Variants in NOP9 observed in about 807,000 individuals in gnomAD.
NOP9 encodes NOP9 nucleolar protein.
Under a neutral mutation model 63.0 loss-of-function variants are expected in NOP9, and 50 were observed. The observed-to-expected ratio is 0.79, with a 90% CI of 0.63 to 1.00. The LOEUF (loss-of-function observed/expected upper bound fraction) is 1.00. NOP9 is among the 50% of genes least tolerant of loss of function. The pLI is 0.00. For synonymous variants in NOP9, 343 were observed against 332.8 expected, an observed-to-expected ratio of 1.03 and a Z score of -0.33; for missense variants, 758 against 803.0, an observed-to-expected ratio of 0.94 and a Z score of 0.68.
the NOP9 span, chr14:24,290,483 AG>A: frequency 7.8e-5 from 17 of 217,712 alleles, no homozygotes; most frequent in South Asian, 8.4e-4. Flanking sequence ...TCTGGAGGAA[AG>A]GGGTCTTGTC....
intron 3 of NOP9, 78 bp from the exon 4 acceptor site, chr14:24,301,887 C>A: frequency 6.6e-7 from 1 of 1,518,816 alleles, no homozygotes; most frequent in African/African-American, 1.4e-5. Flanking sequence ...TGCCCTGTAT[C>A]TTGTTGCCTA....
At chr14:24,271,242 A>C in the NOP9 span, 34 of 1,284,026 alleles carry the variant, frequency 2.6e-5, no homozygotes, top group African/African-American at 3.6e-4. Context: ...GGAAGCAGCA[A>C]GCGTGCCTGG....
Position 24,300,424 on chromosome 14 carries a change from T to C in NOP9, c.264T>C (p.Asn88=). 6.2e-7 allele frequency: 1 copy of C among 1,613,004 alleles called. No homozygotes were observed. The highest frequency in any genetic ancestry group is 8.5e-7 in the Non-Finnish European group (1 of 1,179,486). ...CCTTTTCAGATCTGATGGTGCACAA[T>C]ATAATGAAGGAAGTAGAGACTCAGG... ...TGEERDLMVH[N]IMKEVETQAL... is the part of the protein sequence containing the mutation. Residue 88 remains asparagine, a synonymous_variant, in exon 2 of 10, where the codon AAT becomes AAC. Transcript: ENST00000267425.
upstream of NOP9, chr14:24,298,779 G>A (rs919605049): frequency 6.9e-6 from 6 of 863,368 alleles, no homozygotes; most frequent in African/African-American, 1.7e-5. Flanking sequence ...CTCACTTGGC[G>A]GCAAAATTCT....
chr14:24,299,350 G>A, upstream of NOP9: 2 of 504,340 alleles, frequency 4.0e-6, no homozygotes, highest in Admixed American at 3.4e-5. Flanking sequence ...GGCTGAGTGG[G>A]ACTGTCCAGA....
In NOP9 at chr14:24,307,585, GTAGAGTGGC is replaced by G; in HGVS notation, c.*2496_*2504del. On this transcript the variant is annotated 3_prime_UTR_variant, in exon 10 of 10. Coordinates refer to ENST00000267425, the MANE Select transcript of NOP9 (RefSeq NM_174913.3). ...GGTGAGTGTAAAGGGCATGATGAGG[GTAGAGTGGC>G]TAGAGGGCTAGGGAGGGAGAGATCT... 6.5e-7 allele frequency: 1 copy of G among 1,545,882 alleles called. No individual in the cohort carries two copies. Among genetic ancestry groups the G allele is most frequent in the Non-Finnish European group, 8.8e-7 (1 of 1,130,782 alleles).
At chr14:24,272,742 C>T in the NOP9 span, among the ~76,000 whole-genome samples, 4 of 152,190 alleles carry the variant, frequency 2.6e-5, no homozygotes, top group African/African-American at 9.7e-5. Flanking sequence ...TCCTGCCTGA[C>T]CCTGCCAAAA....
At chr14:24,297,018 G>T, upstream of NOP9, 1 of 1,166,650 alleles carries the variant, frequency 8.6e-7, no homozygotes, top group Non-Finnish European at 1.2e-6. Context: ...AACATGGCAG[G>T]CAACGCTGCC....
chr14:24,307,535 G>A lies in NOP9; in HGVS notation c.*2440G>A. ...ACTGACCTGGTAGTTGAGAAGAAAA[G>A]TCAAGAAGGGGCGAGGAGGGGCTTG... is the stretch of plus-strand genomic sequence containing the variant. On this transcript the variant is annotated 3_prime_UTR_variant, in exon 10 of 10. Transcript: ENST00000267425. 1.9e-6 allele frequency: 3 copies of A among 1,610,458 alleles called. No individual in the cohort carries two copies. The highest frequency in any genetic ancestry group is 2.2e-5 in the South Asian group (2 of 90,694).
Position 24,304,977 on chromosome 14 carries a change from A to T in NOP9, c.1793A>T (p.His598Leu). The T allele has an allele frequency of 6.3e-7, 1 of 1,589,164 alleles. No individual in the cohort carries two copies. Among genetic ancestry groups the T allele is most frequent in the East Asian group, 2.3e-5 (1 of 43,988 alleles). Reference protein sequence around the residue: ...NQELIRDPFGHHVARNVALTT... With the variant: ...NQELIRDPFGLHVARNVALTT... ...GAGCTGATAAGAGACCCTTTCGGCC[A>T]CCATGTGGCTCGAAATGTGGCCTTG... The change falls in exon 10 of 10, where the codon CAC (histidine) becomes CTC (leucine). Residue 598 changes from histidine to leucine, a missense_variant. Transcript: ENST00000267425.
chr14:24,304,053 G>T lies in NOP9; in HGVS notation c.1423G>T (p.Ala475Ser). 6.2e-7 allele frequency: 1 copy of T among 1,613,992 alleles called. No individual in the cohort carries two copies. The highest frequency in any genetic ancestry group is 8.5e-7 in the Non-Finnish European group (1 of 1,179,864). Residue 475 changes from alanine (A) to serine (S), a missense_variant, in exon 8 of 10, where the codon GCA (alanine) becomes TCA (serine). Coordinates refer to ENST00000267425, the MANE Select transcript of NOP9 (RefSeq NM_174913.3). ...VPAEHQVAMA[A>S]ARALGDVTVL... ...TCTGCGCTGCCAGGTGGCAATGGCC[G>T]CAGCCAGAGCCTTGGGGGATGTGAC...
At chr14:24,289,828 G>A in the NOP9 span, among the ~76,000 whole-genome samples, 1 of 152,256 alleles carries the variant, frequency 6.6e-6, no homozygotes, top group African/African-American at 2.4e-5. Flanking sequence ...AAGCTGGTGA[G>A]CCACTCCACT....
At chr14:24,296,670 G>A, upstream of NOP9, 2 of 1,613,562 alleles carry the variant, frequency 1.2e-6, no homozygotes, top group Admixed American at 1.7e-5. Context: ...CAATGAGTGG[G>A]GATGAAGATG....
the NOP9 span, among the ~76,000 whole-genome samples, chr14:24,280,080 C>G: frequency 2.6e-5 from 4 of 152,208 alleles, no homozygotes; most frequent in Non-Finnish European, 5.9e-5. Context: ...ACTGAGGGCC[C>G]TCTGTGCCTG....
At chr14:24,284,325 A>T in the NOP9 span, among the ~76,000 whole-genome samples, 1 of 152,150 alleles carries the variant, frequency 6.6e-6, no homozygotes, top group African/African-American at 2.4e-5. Context: ...TTTGTCTCAT[A>T]AGGCTTGCCT....
chr14:24,306,386 C>T lies in NOP9; in HGVS notation c.*1291C>T, dbSNP rs2041507897. ...ATAGGCCTCTTACCCTTGTAGGGCT[C>T]CAGCTCTGACCAGACTGCAACACCA... On this transcript the variant is annotated 3_prime_UTR_variant, in exon 10 of 10. Transcript: ENST00000267425. The T allele has an allele frequency of 6.2e-7, 1 of 1,614,102 alleles. No individual in the cohort carries two copies. The highest frequency in any genetic ancestry group is 1.7e-5 in the Admixed American group (1 of 60,006).
At chr14:24,297,812 C>G (rs1416637667), upstream of NOP9, among the ~76,000 whole-genome samples, 1 of 152,188 alleles carries the variant, frequency 6.6e-6, no homozygotes, top group African/African-American at 2.4e-5. Flanking sequence ...AATGCTTTTC[C>G]TAACTTCCTT....
chr14:24,289,261 T>C, the NOP9 span, among the ~76,000 whole-genome samples: 60,801 of 151,954 alleles, frequency 0.4, 13,301 homozygotes, highest in Middle Eastern at 0.58. Flanking sequence ...GGATTACAGG[T>C]GTGAGCCACT....
At chr14:24,299,833 A>G, upstream of NOP9, 1 of 1,243,718 alleles carries the variant, frequency 8.0e-7, no homozygotes, top group Admixed American at 2.9e-5. Context: ...ATGACGTAGT[A>G]GCTGCGTCAG....
Sources: allele counts gnomAD v4.1 joint callset (sites outside exome capture counted in the v4.1 genomes callset), GRCh38; gene constraint gnomAD v4.1.1; transcripts MANE v1.5; gene names NCBI Gene and HGNC (gene_info 2026-07-23, HGNC 2026-07-21).